Variants in CDH4 observed in about 807,000 individuals in gnomAD.
The protein encoded by CDH4 is cadherin 4, also known as cadherin-4.
Under a neutral mutation model 86.0 loss-of-function variants are expected in CDH4, and 33 were observed. The ratio of observed to expected loss-of-function variants is 0.38; its 90% CI spans 0.29 to 0.51. CDH4 has a LOEUF of 0.51. CDH4 is among the 20% of genes least tolerant of loss of function. The pLI is 0.86. For synonymous variants in CDH4, 555 were observed against 549.4 expected (o/e 1.01, Z -0.14); for missense variants, 1,114 against 1,307.4 (o/e 0.85, Z 2.28).
chr20:61,918,018 G>A (rs1025435725), intron 9 of CDH4, among the ~76,000 whole-genome samples: 16 of 152,248 alleles, frequency 1.1e-4, no homozygotes, highest in Non-Finnish European at 1.6e-4. Flanking sequence ...GCGCTACCAC[G>A]ACGTGATGAA....
At chr20:61,892,408 T>C (rs1984863740) in intron 7 of CDH4, among the ~76,000 whole-genome samples, 1 of 152,142 alleles carries the variant, frequency 6.6e-6, no homozygotes, top group Admixed American at 6.5e-5. Context: ...CCCCCAGAGC[T>C]CAGGTTGGCA....
chr20:61,347,708 G>A (rs1002455907), intron 2 of CDH4, among the ~76,000 whole-genome samples: 13 of 152,178 alleles, frequency 8.5e-5, no homozygotes, highest in African/African-American at 2.4e-4. Context: ...ATAAGCTGGC[G>A]GGGGCTGGTG....
In CDH4 at chr20:61,545,830, ATG is replaced by A. The variant is rs1156668220; in HGVS notation, c.170-197722_170-197721del. Among the ~76,000 whole-genome samples, 49 of 82,052 alleles carry A rather than the reference ATG, an allele frequency of 6.0e-4. 1 individual carries two copies. Among genetic ancestry groups the A allele is most frequent in the African/African-American group, 2.2e-3 (47 of 21,226 alleles). The allele number at this position is 82,052 out of a possible 152,430, so 53.8% of individuals were successfully genotyped here. ...ATACGGTGCGTGTTCACATGTGTGT[ATG>A]TGTGTGTGTGGAGGGGTATGTGTGC... On this transcript the variant is annotated intron_variant, in intron 2 of 15. Coordinates refer to ENST00000614565, the MANE Select transcript of CDH4 (RefSeq NM_001794.5).
At chr20:61,555,044 G>T (rs2086166525) in intron 2 of CDH4, among the ~76,000 whole-genome samples, 1 of 152,218 alleles carries the variant, frequency 6.6e-6, no homozygotes, top group Admixed American at 6.5e-5. Flanking sequence ...GCATGTATGA[G>T]CATATGTGAG....
chr20:61,302,413 G>A (rs1227422120), intron 2 of CDH4, among the ~76,000 whole-genome samples: 1 of 152,184 alleles, frequency 6.6e-6, no homozygotes, highest in Non-Finnish European at 1.5e-5. Context: ...CAAGCTTAAC[G>A]CCTAACTTCA....
intron 2 of CDH4, among the ~76,000 whole-genome samples, chr20:61,558,695 C>G (rs766703239): frequency 6.6e-6 from 1 of 152,230 alleles, no homozygotes; most frequent in Non-Finnish European, 1.5e-5. Flanking sequence ...AGGAGAGCTG[C>G]GAATAGCATC....
intron 2 of CDH4, among the ~76,000 whole-genome samples, chr20:61,546,010 G>A (rs1349752446): frequency 3.9e-3 from 144 of 37,236 alleles, no homozygotes; most frequent in Non-Finnish European, 5.5e-3. Flanking sequence ...GTGTGGAGGG[G>A]GTATGTGGGA....
intron 4 of CDH4, among the ~76,000 whole-genome samples, chr20:61,779,894 C>T (rs76140491): frequency 6.6e-6 from 1 of 152,220 alleles, no homozygotes; most frequent in East Asian, 1.9e-4. Context: ...TGAATTTTAG[C>T]CCCACGTTAT....
At chr20:61,274,052 T>A (rs1242368185) in intron 2 of CDH4, among the ~76,000 whole-genome samples, 1 of 116,058 alleles carries the variant, frequency 8.6e-6, no homozygotes, top group Non-Finnish European at 1.7e-5. Context: ...GAGTACCATG[T>A]GTAGTTTGGG....
At chr20:61,637,127 T>C (rs74560983) in intron 2 of CDH4, among the ~76,000 whole-genome samples, 3,865 of 152,338 alleles carry the variant, frequency 0.025, 175 homozygotes, top group African/African-American at 0.087. Context: ...GTTCTGCTTT[T>C]TAACTTTTTA....
At chr20:61,261,444 G>C (rs2084127153) in intron 2 of CDH4, among the ~76,000 whole-genome samples, 2 of 152,226 alleles carry the variant, frequency 1.3e-5, no homozygotes, top group Non-Finnish European at 2.9e-5. Context: ...AGGCTTTGCA[G>C]AATTATAATA....
At chr20:61,483,869 C>T (rs939074557) in intron 2 of CDH4, among the ~76,000 whole-genome samples, 1 of 152,136 alleles carries the variant, frequency 6.6e-6, no homozygotes, top group Non-Finnish European at 1.5e-5. Context: ...GGTGGTTATG[C>T]AGCCAAAGCT....
At chr20:61,618,224 A>G (rs186607922) in intron 2 of CDH4, among the ~76,000 whole-genome samples, 1 of 152,048 alleles carries the variant, frequency 6.6e-6, no homozygotes, top group Admixed American at 6.5e-5. Context: ...TGTTTTCCGG[A>G]GCCAGTTTCC....
chr20:61,803,109 T>G (rs1979921306), intron 4 of CDH4, among the ~76,000 whole-genome samples: 1 of 152,218 alleles, frequency 6.6e-6, no homozygotes, highest in Non-Finnish European at 1.5e-5. Context: ...CAGCCCTGTC[T>G]CAGCAGCGCG....
chr20:61,670,758 G>A (rs2087377583), intron 2 of CDH4, among the ~76,000 whole-genome samples: 1 of 152,202 alleles, frequency 6.6e-6, no homozygotes, highest in Non-Finnish European at 1.5e-5. Context: ...CAACGAGGAT[G>A]AGGGAAAGGG....
chr20:61,427,155 C>T (rs76579723), intron 2 of CDH4, among the ~76,000 whole-genome samples: 3,041 of 152,298 alleles, frequency 0.02, 103 homozygotes, highest in African/African-American at 0.068. Context: ...AGCTTCCTGC[C>T]GCATTTGCAG....
chr20:61,756,481 C>T (rs960478100), intron 3 of CDH4, among the ~76,000 whole-genome samples: 1 of 152,080 alleles, frequency 6.6e-6, no homozygotes, highest in African/African-American at 2.4e-5. Flanking sequence ...CCACTACTCA[C>T]ATGGTCCATA....
At chr20:61,679,298 G>T (rs1374096639) in intron 2 of CDH4, among the ~76,000 whole-genome samples, 1 of 152,084 alleles carries the variant, frequency 6.6e-6, no homozygotes, top group Admixed American at 6.5e-5. Context: ...GCATAGTATA[G>T]AACAGAGGTT....
intron 2 of CDH4, among the ~76,000 whole-genome samples, chr20:61,626,798 CAG>C (rs1441565569): frequency 6.6e-6 from 1 of 152,202 alleles, no homozygotes; most frequent in Non-Finnish European, 1.5e-5. Context: ...CATTGTAACT[CAG>C]AGCCTCCTGA....
Sources: allele counts gnomAD v4.1 joint callset (sites outside exome capture counted in the v4.1 genomes callset), GRCh38; gene constraint gnomAD v4.1.1; transcripts MANE v1.5; gene names NCBI Gene and HGNC (gene_info 2026-07-23, HGNC 2026-07-21).